ABCA12: variants seen among roughly 807,000 people sequenced by gnomAD.
ABCA12 encodes the protein glucosylceramide transporter ABCA12.
Under a neutral mutation model 293.5 loss-of-function variants are expected in ABCA12, and 156 were observed. That is an observed-to-expected ratio of 0.53 (90% CI 0.47 to 0.61). The LOEUF is 0.61. Among genes scored for constraint, ABCA12 ranks in the 20% least tolerant of loss-of-function variants. The pLI, the probability that ABCA12 is intolerant of heterozygous loss-of-function variation, is 0.00. For missense variants in ABCA12, 2,797 were observed against 3,090.2 expected (o/e 0.91, Z 2.25); for synonymous variants, 1,063 against 1,108.0 (o/e 0.96, Z 0.81).
chr2:215,025,270 A>C (rs113215563), intron 11 of ABCA12: 3,743 of 166,744 alleles, frequency 0.022, 59 homozygotes, highest in Middle Eastern at 0.095. Flanking sequence ...TGATTAAAAA[A>C]AAATACCATT....
chr2:215,069,519 G>A (rs1053932779), intron 2 of ABCA12, among the ~76,000 whole-genome samples: 8 of 151,490 alleles, frequency 5.3e-5, no homozygotes, highest in African/African-American at 1.2e-4. Context: ...TTTTGTTCTC[G>A]GTTACACTTG....
intron 2 of ABCA12, among the ~76,000 whole-genome samples, chr2:215,079,895 C>A (rs1366535304): frequency 6.6e-6 from 1 of 152,094 alleles, no homozygotes. Flanking sequence ...TTAGATATAT[C>A]GACAGGATTA....
intron 39 of ABCA12, among the ~76,000 whole-genome samples, chr2:214,961,067 G>A (rs1217255214): frequency 6.6e-6 from 1 of 152,116 alleles, no homozygotes; most frequent in Non-Finnish European, 1.5e-5. Context: ...GAGGGAGGCA[G>A]TGGGAGAATA....
intron 1 of ABCA12, among the ~76,000 whole-genome samples, chr2:215,134,272 GTA>G (rs955482353): frequency 2.2e-5 from 3 of 135,494 alleles, no homozygotes; most frequent in East Asian, 2.0e-4. Flanking sequence ...ACATATATAC[GTA>G]TATGTGTATA....
intron 6 of ABCA12, among the ~76,000 whole-genome samples, chr2:215,048,496 A>G (rs1198875642): frequency 6.6e-6 from 1 of 151,826 alleles, no homozygotes; most frequent in Non-Finnish European, 1.5e-5. Context: ...GGAGTTCGAG[A>G]TGAGCCTGGC....
At position 215,010,497 on chromosome 2, in the gene ABCA12, A is replaced by T. The variant is rs117345021; in HGVS notation, c.2333-27T>A. ...TGGAAGGAAAAAGTGAAATAAAACCATTTAATAGATGTACTTCAAATCCAT... is the reference window on the plus strand; with the variant it reads ...TGGAAGGAAAAAGTGAAATAAAACCTTTTAATAGATGTACTTCAAATCCAT... On this transcript the variant is annotated intron_variant, in intron 17 of 52. Transcript: ENST00000272895. 4.8e-4 allele frequency: 777 copies of T among 1,610,784 alleles called. 8 individuals carry two copies. In the East Asian group the frequency reaches 0.014, roughly 29 times the overall value.
chr2:215,121,161 AGAAG>A (rs1386182341), intron 1 of ABCA12, among the ~76,000 whole-genome samples: 1 of 152,324 alleles, frequency 6.6e-6, no homozygotes, highest in East Asian at 1.9e-4. Context: ...CTTTTCTTCC[AGAAG>A]CCACTAAGCA....
At chr2:214,957,912 T>G (rs1215839321) in intron 41 of ABCA12, among the ~76,000 whole-genome samples, 1 of 152,214 alleles carries the variant, frequency 6.6e-6, no homozygotes, top group African/African-American at 2.4e-5. Context: ...AAGCTTCTAT[T>G]TCTCCACAGT....
chr2:215,100,562 C>A lies in ABCA12; in HGVS notation c.163+11035G>T, dbSNP rs563579508. ...TGAATATTTGAGTTCCCATTATGTG[C>A]AAAGTACTGGCCAAGATCTATATTT... On this transcript the variant is annotated intron_variant, in intron 2 of 52. Transcript: ENST00000272895. Among the ~76,000 whole-genome samples, 8 of 672 alleles carry A rather than the reference C, an allele frequency of 0.012. No individual in the cohort carries two copies. The East Asian group carries it at 0.2, about 17-fold the overall frequency. The allele number at this position is 672 out of a possible 152,430, so 0.4% of individuals were successfully genotyped here.
intron 23 of ABCA12, among the ~76,000 whole-genome samples, chr2:214,997,412 G>T (rs2105984738): frequency 6.6e-6 from 1 of 152,074 alleles, no homozygotes; most frequent in South Asian, 2.1e-4. Context: ...AGTCCTATAG[G>T]TAATTTCTTG....
At chr2:214,948,932 C>G in intron 46 of ABCA12, 108 bp downstream of exon 46, 3 of 1,190,682 alleles carry the variant, frequency 2.5e-6, no homozygotes, top group Non-Finnish European at 2.5e-6. Flanking sequence ...TTGTTCTCCC[C>G]TAAGGACTGA....
At chr2:214,938,759 T>C (rs187764248) in intron 50 of ABCA12, among the ~76,000 whole-genome samples, 2 of 152,384 alleles carry the variant, frequency 1.3e-5, no homozygotes, top group East Asian at 3.9e-4. Context: ...AAATGTCTTC[T>C]TTTGAGAAGT....
chr2:215,131,757 G>T (rs1703063997), intron 1 of ABCA12, among the ~76,000 whole-genome samples: 1 of 102,250 alleles, frequency 9.8e-6, no homozygotes. Context: ...TGTGATCTGT[G>T]TTGTTCTTTT....
chr2:214,968,664 A>T, intron 38 of ABCA12, 56 bp downstream of exon 38: 1 of 1,517,090 alleles, frequency 6.6e-7, no homozygotes, highest in Admixed American at 1.7e-5. Context: ...ATGATTAAAC[A>T]TATCAATTTC....
chr2:214,982,092 G>A (rs956858834), intron 30 of ABCA12, 95 bp downstream of exon 30: 25 of 1,305,618 alleles, frequency 1.9e-5, no homozygotes, highest in South Asian at 3.6e-5. Flanking sequence ...GATTATAGGC[G>A]TGAGCCACTG....
Position 215,094,353 on chromosome 2 carries a change from A to G in ABCA12, c.163+17244T>C, listed in dbSNP as rs993855904. Among the ~76,000 whole-genome samples the G allele has an allele frequency of 3.8e-4, 58 of 152,188 alleles. 1 individual carries two copies. The highest frequency in any genetic ancestry group is 6.2e-4 in the South Asian group (3 of 4,830). On this transcript the variant is annotated intron_variant, in intron 2 of 52. Transcript: ENST00000272895. ...CAATGCTTATGCTGATAAGGTAGCTAAAGAAGCAGCTAGCGTTCCAACTTC... is the reference window on the plus strand; with the variant it reads ...CAATGCTTATGCTGATAAGGTAGCTGAAGAAGCAGCTAGCGTTCCAACTTC...
At chr2:215,022,085 G>C (rs1361654843) in intron 11 of ABCA12, 4 of 151,810 alleles carry the variant, frequency 2.6e-5, no homozygotes, top group African/African-American at 7.3e-5. Flanking sequence ...CATTCTCCAG[G>C]GAGTTTTTTG....
chr2:215,138,410 A>T lies in ABCA12; in HGVS notation c.-202T>A, dbSNP rs1048730228. ...TGTGGTTAATCCTTAACCAAGAGGCACTTCTCAATCAACTCTTCTTCCAAA... is the reference window on the plus strand; with the variant it reads ...TGTGGTTAATCCTTAACCAAGAGGCTCTTCTCAATCAACTCTTCTTCCAAA... On this transcript the variant is annotated 5_prime_UTR_variant, in exon 1 of 53. Transcript: ENST00000272895. 9 of 611,746 alleles carry T rather than the reference A, an allele frequency of 1.5e-5. 1 individual carries two copies. Among genetic ancestry groups the T allele is most frequent in the African/African-American group, 1.3e-4 (7 of 54,076 alleles). 37.9% of individuals were successfully genotyped at this position (611,746 alleles called of 1,614,324 possible). A position where few individuals can be genotyped will look rare whatever the true frequency, so the allele number is the denominator to read the frequency against.
At chr2:215,001,438 C>G (rs1325368429) in intron 21 of ABCA12, 120 bp downstream of exon 21, 2 of 1,209,128 alleles carry the variant, frequency 1.7e-6, no homozygotes, top group Non-Finnish European at 2.4e-6. Flanking sequence ...TTTCTAAGGA[C>G]ATCAGAGGAC....
Sources: allele counts gnomAD v4.1 joint callset (sites outside exome capture counted in the v4.1 genomes callset), GRCh38; gene constraint gnomAD v4.1.1; transcripts MANE v1.5; gene names NCBI Gene and HGNC (gene_info 2026-07-23, HGNC 2026-07-21).